MMP16: variants seen among roughly 807,000 people sequenced by gnomAD.
MMP16 encodes matrix metalloproteinase-16.
A neutral mutation model predicts 67.8 loss-of-function variants in MMP16; 12 were observed. That is an observed-to-expected ratio of 0.18 (90% CI 0.11 to 0.29). The LOEUF is 0.29. Among genes scored for constraint, MMP16 ranks in the 10% least tolerant of loss-of-function variants. MMP16 has a pLI of 1.00. For synonymous variants in MMP16, 249 were observed against 255.9 expected, an observed-to-expected ratio of 0.97 and a Z score of 0.26; for missense variants, 475 against 765.7, an observed-to-expected ratio of 0.62 and a Z score of 4.48.
chr8:88,272,319 G>A (rs1250304149), intron 1 of MMP16, among the ~76,000 whole-genome samples: 1 of 152,088 alleles, frequency 6.6e-6, no homozygotes, highest in African/African-American at 2.4e-5. Context: ...CAAGAATAAA[G>A]TTATGTTAAT....
At chr8:88,048,606 T>C (rs1272778300) in intron 8 of MMP16, among the ~76,000 whole-genome samples, 2 of 152,146 alleles carry the variant, frequency 1.3e-5, no homozygotes, top group African/African-American at 4.8e-5. Flanking sequence ...CAATGAATGA[T>C]AGGTAGAAAT....
At chr8:88,296,914 C>T (rs979859999) in intron 1 of MMP16, among the ~76,000 whole-genome samples, 1 of 149,564 alleles carries the variant, frequency 6.7e-6, no homozygotes, top group Admixed American at 6.7e-5. Context: ...AAGTGGAACT[C>T]TATCTGAAAA....
intron 7 of MMP16, among the ~76,000 whole-genome samples, chr8:88,072,477 G>A (rs1301659428): frequency 2.6e-5 from 4 of 152,088 alleles, no homozygotes; most frequent in South Asian, 4.1e-4. Flanking sequence ...GGAAAGAGTT[G>A]CCACAGCAGG....
intron 6 of MMP16, among the ~76,000 whole-genome samples, chr8:88,089,569 T>TATA (rs927300836): frequency 5.9e-5 from 9 of 151,782 alleles, no homozygotes; most frequent in Non-Finnish European, 1.0e-4. Flanking sequence ...GTAGAATGTA[T>TATA]ATAAGAAAAC....
intron 4 of MMP16, among the ~76,000 whole-genome samples, chr8:88,141,938 A>G (rs1489669710): frequency 6.6e-6 from 1 of 151,014 alleles, no homozygotes; most frequent in African/African-American, 2.4e-5. Context: ...TTTTTGAGAC[A>G]GAGTCTCGCT....
At chr8:88,255,371 A>G (rs573248668) in intron 1 of MMP16, among the ~76,000 whole-genome samples, 1 of 152,332 alleles carries the variant, frequency 6.6e-6, no homozygotes, top group African/African-American at 2.4e-5. Context: ...CACTTCCTGT[A>G]CAACCTGCAG....
chr8:88,180,908 T>C (rs556721594), intron 3 of MMP16, among the ~76,000 whole-genome samples: 1 of 152,266 alleles, frequency 6.6e-6, no homozygotes, highest in East Asian at 1.9e-4. Flanking sequence ...TAATGTAATA[T>C]TTCACATCAA....
chr8:88,264,270 A>T (rs1394491760), intron 1 of MMP16, among the ~76,000 whole-genome samples: 2 of 152,078 alleles, frequency 1.3e-5, no homozygotes. Context: ...CACAGTCATA[A>T]CTCTTTTTAG....
intron 8 of MMP16, among the ~76,000 whole-genome samples, chr8:88,054,675 G>A (rs1563518665): frequency 6.6e-6 from 1 of 152,112 alleles, no homozygotes. Flanking sequence ...TAGGAATATT[G>A]CATATACAGT....
intron 6 of MMP16, among the ~76,000 whole-genome samples, chr8:88,109,413 A>G (rs150140164): frequency 1.8e-3 from 274 of 151,490 alleles, no homozygotes; most frequent in African/African-American, 6.2e-3. Flanking sequence ...GATAAAATAA[A>G]TAAATGCTTT....
At chr8:88,261,280 G>A (rs967587135) in intron 1 of MMP16, among the ~76,000 whole-genome samples, 1 of 151,974 alleles carries the variant, frequency 6.6e-6, no homozygotes, top group Non-Finnish European at 1.5e-5. Context: ...TTCATTTATT[G>A]AGATTATAAA....
chr8:88,238,190 G>C (rs1209799754), intron 1 of MMP16, among the ~76,000 whole-genome samples: 2 of 152,044 alleles, frequency 1.3e-5, no homozygotes, highest in African/African-American at 4.8e-5. Context: ...TGTATAAGGG[G>C]AAAATACACA....
intron 3 of MMP16, among the ~76,000 whole-genome samples, chr8:88,181,023 T>C (rs1808972144): frequency 1.3e-5 from 2 of 152,250 alleles, no homozygotes; most frequent in African/African-American, 2.4e-5. Context: ...AAACTAAGAA[T>C]AGAGAGAGAC....
intron 7 of MMP16, among the ~76,000 whole-genome samples, chr8:88,065,250 C>A (rs889015290): frequency 1.3e-5 from 2 of 151,964 alleles, no homozygotes; most frequent in African/African-American, 4.8e-5. Flanking sequence ...CTCTACAGGG[C>A]ACAACAAACA....
chr8:88,177,027 C>A (rs1316945213), intron 3 of MMP16, among the ~76,000 whole-genome samples: 1 of 152,144 alleles, frequency 6.6e-6, no homozygotes, highest in African/African-American at 2.4e-5. Context: ...AAATATATCT[C>A]TTCATTTTTT....
intron 1 of MMP16, among the ~76,000 whole-genome samples, chr8:88,268,792 C>T (rs1198881167): frequency 6.6e-6 from 1 of 151,192 alleles, no homozygotes; most frequent in African/African-American, 2.4e-5. Context: ...TATTCTTTCT[C>T]CATTTCTTCA....
At chr8:88,179,178 A>G (rs1386465624) in intron 3 of MMP16, among the ~76,000 whole-genome samples, 4 of 152,006 alleles carry the variant, frequency 2.6e-5, no homozygotes, top group Non-Finnish European at 2.9e-5. Flanking sequence ...AAAACAAAAG[A>G]CAAAAAGAAA....
intron 1 of MMP16, among the ~76,000 whole-genome samples, chr8:88,257,627 A>G (rs77325252): frequency 6.6e-6 from 1 of 152,250 alleles, no homozygotes; most frequent in African/African-American, 2.4e-5. Flanking sequence ...ATTTATTGCC[A>G]TGAATTCTGG....
At chr8:88,205,798 A>G (rs1430748803) in intron 1 of MMP16, among the ~76,000 whole-genome samples, 2 of 152,146 alleles carry the variant, frequency 1.3e-5, no homozygotes, top group Non-Finnish European at 2.9e-5. Context: ...ATGACACACC[A>G]TTTAACTGTA....
Sources: gnomAD v4.1 joint callset for allele counts (sites outside exome capture counted in the v4.1 genomes callset) on GRCh38, gnomAD v4.1.1 for gene constraint, MANE v1.5 for transcripts, NCBI Gene and HGNC (gene_info 2026-07-23, HGNC 2026-07-21) for gene names.